Variants in SLIT2 observed in about 807,000 individuals in gnomAD.
SLIT2 encodes slit guidance ligand 2.
SLIT2 carries 41 observed loss-of-function variants against 185.7 expected under a neutral mutation model. That is an observed-to-expected ratio of 0.22 (90% confidence interval 0.17 to 0.29). The LOEUF is 0.29. Among genes scored for constraint, SLIT2 ranks in the 10% least tolerant of loss-of-function variants. SLIT2 has a pLI of 1.00. For missense variants in SLIT2, 1,571 were observed against 1,909.0 expected (o/e 0.82, Z 3.30); for synonymous variants, 693 against 680.2 (o/e 1.02, Z -0.29).
At chr4:20,463,513 A>G (rs1236262841) in intron 4 of SLIT2, among the ~76,000 whole-genome samples, 7 of 99,598 alleles carry the variant, frequency 7.0e-5, no homozygotes, top group African/African-American at 1.5e-4. Flanking sequence ...GTATATCCAT[A>G]TATGTGTGTG....
At chr4:20,518,445 G>C (rs1720460124) in intron 11 of SLIT2, among the ~76,000 whole-genome samples, 2 of 136,552 alleles carry the variant, frequency 1.5e-5, no homozygotes, top group South Asian at 2.3e-4. Flanking sequence ...GTAGAGATGG[G>C]GTTTCACTGT....
At chr4:20,569,194 A>G (rs1390127340) in intron 29 of SLIT2, 190 bp downstream of exon 29, 1 of 579,136 alleles carries the variant, frequency 1.7e-6, no homozygotes, top group African/African-American at 1.9e-5. Context: ...AGACCCAGGA[A>G]TCTCTGTTCA....
intron 4 of SLIT2, among the ~76,000 whole-genome samples, chr4:20,307,195 T>C (rs143907970): frequency 0.023 from 638 of 27,928 alleles, 14 homozygotes; most frequent in East Asian, 0.17. Context: ...TCCTTCCTTC[T>C]TTCCCTGACT....
chr4:20,388,790 A>AAT (rs1553892023), intron 4 of SLIT2, among the ~76,000 whole-genome samples: 1 of 130,078 alleles, frequency 7.7e-6, no homozygotes, highest in Non-Finnish European at 1.6e-5. Context: ...AAAAAAAAAA[A>AAT]AAATATATAT....
chr4:20,362,844 T>C (rs1168781426), intron 4 of SLIT2, among the ~76,000 whole-genome samples: 4 of 152,066 alleles, frequency 2.6e-5, no homozygotes, highest in Non-Finnish European at 5.9e-5. Flanking sequence ...AATACTTCTG[T>C]TCTAGAACTT....
chr4:20,589,186 G>A (rs558811046), intron 29 of SLIT2, among the ~76,000 whole-genome samples: 21 of 152,202 alleles, frequency 1.4e-4, no homozygotes, highest in African/African-American at 4.1e-4. Context: ...TGCAGGGACC[G>A]GGGGGAAGGC....
At chr4:20,398,299 G>T (rs1319470278) in intron 4 of SLIT2, among the ~76,000 whole-genome samples, 1 of 151,796 alleles carries the variant, frequency 6.6e-6, no homozygotes, top group African/African-American at 2.4e-5. Flanking sequence ...GAGGCAAAAT[G>T]AGGAAAAGGG....
intron 4 of SLIT2, among the ~76,000 whole-genome samples, chr4:20,308,419 G>T (rs896125172): frequency 3.9e-5 from 6 of 152,176 alleles, no homozygotes; most frequent in African/African-American, 1.4e-4. Context: ...TCAGAGAAGT[G>T]ATTTATACTG....
chr4:20,345,449 A>G (rs538171589), intron 4 of SLIT2, among the ~76,000 whole-genome samples: 179 of 151,018 alleles, frequency 1.2e-3, no homozygotes, highest in African/African-American at 3.9e-3. Context: ...CACTAATGGT[A>G]CTTTAAAAAT....
intron 4 of SLIT2, among the ~76,000 whole-genome samples, chr4:20,408,190 G>A (rs1351330523): frequency 1.3e-5 from 2 of 152,230 alleles, no homozygotes; most frequent in South Asian, 2.1e-4. Context: ...TCATCTCAGC[G>A]ATTAGCTGGG....
intron 4 of SLIT2, among the ~76,000 whole-genome samples, chr4:20,361,093 C>T (rs4406013): frequency 0.16 from 24,792 of 151,964 alleles, 2,598 homozygotes; most frequent in East Asian, 0.43. Flanking sequence ...CTTTGTTTTA[C>T]AGAATTTTTT....
intron 4 of SLIT2, among the ~76,000 whole-genome samples, chr4:20,311,201 T>C (rs1718074347): frequency 6.6e-6 from 1 of 152,260 alleles, no homozygotes. Flanking sequence ...AACTCAATAT[T>C]TTATACCAAA....
intron 4 of SLIT2, among the ~76,000 whole-genome samples, chr4:20,466,321 G>T (rs1714347912): frequency 6.6e-6 from 1 of 152,046 alleles, no homozygotes; most frequent in Admixed American, 6.5e-5. Flanking sequence ...GGAAATGAAG[G>T]ATTAATACTC....
At chr4:20,608,309 C>T (rs374538865) in intron 33 of SLIT2, among the ~76,000 whole-genome samples, 3 of 152,208 alleles carry the variant, frequency 2.0e-5, no homozygotes, top group African/African-American at 4.8e-5. Context: ...GACCACGATT[C>T]GAATCCAGGA....
At chr4:20,446,054 A>T (rs1257999541) in intron 4 of SLIT2, among the ~76,000 whole-genome samples, 1 of 152,184 alleles carries the variant, frequency 6.6e-6, no homozygotes, top group East Asian at 1.9e-4. Context: ...ATCTCTGTGC[A>T]CAACAACTGT....
At chr4:20,534,340 A>C (rs550546763) in intron 18 of SLIT2, among the ~76,000 whole-genome samples, 20 of 152,136 alleles carry the variant, frequency 1.3e-4, no homozygotes, top group Non-Finnish European at 2.8e-4. Flanking sequence ...GCTAAGAGTT[A>C]TGTCTACTTG....
At chr4:20,481,463 C>T (rs979265788) in intron 6 of SLIT2, among the ~76,000 whole-genome samples, 1 of 152,046 alleles carries the variant, frequency 6.6e-6, no homozygotes, top group African/African-American at 2.4e-5. Flanking sequence ...GTTACTAAAG[C>T]ATTATATGCC....
chr4:20,472,511 G>GATATATCTATATAGATATATAT (rs1218618638), intron 5 of SLIT2, among the ~76,000 whole-genome samples: 5 of 6,710 alleles, frequency 7.5e-4, no homozygotes, highest in African/African-American at 2.5e-3. Context: ...TCTATATATA[G>GATATATCTATATAGATATATAT]ATAGATATAT....
intron 4 of SLIT2, among the ~76,000 whole-genome samples, chr4:20,403,565 T>A (rs565143771): frequency 6.6e-6 from 1 of 151,972 alleles, no homozygotes; most frequent in African/African-American, 2.4e-5. Context: ...GGAAATTGAA[T>A]TGAGAAAAGA....
Sources: allele counts gnomAD v4.1 joint callset (sites outside exome capture counted in the v4.1 genomes callset), GRCh38; gene constraint gnomAD v4.1.1; transcripts MANE v1.5; gene names NCBI Gene and HGNC (gene_info 2026-07-23, HGNC 2026-07-21).